Variants in VEZT observed in about 807,000 individuals in gnomAD.
The protein encoded by VEZT is vezatin.
VEZT carries 39 observed loss-of-function variants against 79.9 expected under a neutral mutation model. That is an observed-to-expected ratio of 0.49 (90% CI 0.38 to 0.64). The LOEUF (loss-of-function observed/expected upper bound fraction) is 0.64, where lower values mean the gene tolerates loss of function less well. VEZT is among the 30% of genes least tolerant of loss of function. VEZT has a pLI of 0.00. For missense variants in VEZT, 837 were observed against 893.1 expected (o/e 0.94, Z 0.80); for synonymous variants, 325 against 327.6 (o/e 0.99, Z 0.09).
At chr12:95,227,623 G>C (rs969312692) in intron 1 of VEZT, among the ~76,000 whole-genome samples, 5 of 152,128 alleles carry the variant, frequency 3.3e-5, no homozygotes, top group African/African-American at 1.2e-4. Context: ...TTATAGGCAT[G>C]AGCCACCATG....
At position 95,266,413 on chromosome 12, in the gene VEZT, G is replaced by A; in HGVS notation, c.491G>A (p.Trp164Ter). 1 of 1,613,838 alleles carries A rather than the reference G, an allele frequency of 6.2e-7. No individual in the cohort carries two copies. The highest frequency in any genetic ancestry group is 8.5e-7 in the Non-Finnish European group (1 of 1,179,828). ...TTGCTCGTTATGCTTCCCACTTGGT[G>A]GATTGTGTCTTCCTGGCTGGTATGG... The part of the protein sequence containing the change: ...ISLLVMLPTW[W>*]IVSSWLVWGV... Residue 164 changes from tryptophan to a stop codon, truncating the protein, a stop_gained, in exon 5 of 12, where the codon TGG becomes TAG. Coordinates refer to ENST00000436874, the MANE Select transcript of VEZT (RefSeq NM_017599.4). LOFTEE classifies it high-confidence loss of function.
At chr12:95,227,113 G>T (rs941497957) in intron 1 of VEZT, among the ~76,000 whole-genome samples, 1 of 152,142 alleles carries the variant, frequency 6.6e-6, no homozygotes, top group Non-Finnish European at 1.5e-5. Context: ...AGTGTTTTGA[G>T]AGTAAGAATT....
At chr12:95,298,030 G>C (rs1282445411) in intron 11 of VEZT, among the ~76,000 whole-genome samples, 2 of 152,046 alleles carry the variant, frequency 1.3e-5, no homozygotes, top group Non-Finnish European at 2.9e-5. Context: ...TGAGGCAGGA[G>C]AATCGCTTGA....
intron 9 of VEZT, among the ~76,000 whole-genome samples, chr12:95,291,096 C>G (rs1276232592): frequency 6.6e-6 from 1 of 151,996 alleles, no homozygotes; most frequent in Non-Finnish European, 1.5e-5. Flanking sequence ...AAAACCCCAT[C>G]TCTACCAAAA....
chr12:95,236,016 G>C (rs1008937756), intron 1 of VEZT, among the ~76,000 whole-genome samples: 3 of 152,002 alleles, frequency 2.0e-5, no homozygotes, highest in South Asian at 4.2e-4. Flanking sequence ...CTTCCCAGAC[G>C]GGGTGGCGGC....
intron 1 of VEZT, among the ~76,000 whole-genome samples, chr12:95,239,833 T>C (rs1363078220): frequency 6.6e-6 from 1 of 152,032 alleles, no homozygotes; most frequent in Non-Finnish European, 1.5e-5. Flanking sequence ...ATGCCTTTAA[T>C]CCCAGCTACT....
chr12:95,240,077 A>AAGG (rs2060816594), intron 1 of VEZT, among the ~76,000 whole-genome samples: 1 of 123,894 alleles, frequency 8.1e-6, no homozygotes, highest in African/African-American at 3.0e-5. Context: ...AGGAAGGAAG[A>AAGG]AAAGAAAGAG....
At chr12:95,257,307 G>A (rs995840303) in intron 3 of VEZT, 68 bp downstream of exon 3, 2 of 1,272,396 alleles carry the variant, frequency 1.6e-6, no homozygotes, top group Middle Eastern at 2.0e-4. Context: ...TGGTGAATCA[G>A]AATTTGTTTT....
At chr12:95,226,061 C>T (rs184664058) in intron 1 of VEZT, among the ~76,000 whole-genome samples, 49 of 150,324 alleles carry the variant, frequency 3.3e-4, no homozygotes, top group African/African-American at 1.1e-3. Flanking sequence ...GGCCACTGCA[C>T]TCTGCCTTGG....
intron 5 of VEZT, 126 bp downstream of exon 5, chr12:95,266,758 T>G: frequency 1.1e-5 from 9 of 852,956 alleles, no homozygotes; most frequent in South Asian, 6.1e-5. Context: ...TCTTTAGTAC[T>G]TACTAAAGTC....
chr12:95,285,075 G>C (rs958365636), intron 8 of VEZT, among the ~76,000 whole-genome samples: 1 of 113,368 alleles, frequency 8.8e-6, no homozygotes, highest in Non-Finnish European at 1.7e-5. Flanking sequence ...GACAGAGCAA[G>C]ACTCTGTCTC....
intron 9 of VEZT, 72 bp from the exon 10 acceptor site, chr12:95,294,200 T>C (rs2073643462): frequency 7.5e-7 from 1 of 1,328,138 alleles, no homozygotes; most frequent in African/African-American, 1.5e-5. Context: ...AGGGTGTTTT[T>C]AATTAGATGT....
chr12:95,240,051 AG>A lies in VEZT; in HGVS notation c.37-11887del, dbSNP rs1345642386. Among the ~76,000 whole-genome samples, 174 of 137,942 alleles carry A rather than the reference AG, an allele frequency of 1.3e-3. 3 individuals are homozygous for A. Among genetic ancestry groups the A allele is most frequent in the African/African-American group, 4.1e-3 (143 of 35,228 alleles). 90.5% of individuals were successfully genotyped at this position (137,942 alleles called of 152,430 possible). ...AAGGAAGGAAGGAAGGAAGGAAGGA[AG>A]GAAGGAAGGAAGGAAGGAAGGAAGA... On this transcript the variant is annotated intron_variant, in intron 1 of 11. Transcript: ENST00000436874.
At chr12:95,258,639 C>G (rs1053641852) in intron 3 of VEZT, among the ~76,000 whole-genome samples, 1 of 152,060 alleles carries the variant, frequency 6.6e-6, no homozygotes, top group African/African-American at 2.4e-5. Context: ...TCTGTGATAT[C>G]TGAACATTTT....
In VEZT at chr12:95,257,177, A is replaced by G; in HGVS notation, c.196A>G (p.Thr66Ala). Reference sequence around the variant, plus strand: ...AGGTATCCTGTTAAAAGTGGCTGAAACCATCAAAAGTTGGATTTTTTTTTC... The same window carrying G: ...AGGTATCCTGTTAAAAGTGGCTGAAGCCATCAAAAGTTGGATTTTTTTTTC... ...KQGILLKVAE[T>A]IKSWIFFSQC... The change falls in exon 3 of 12, where the codon ACC becomes GCC. Residue 66 changes from threonine (T) to alanine (A), a missense_variant. Coordinates refer to ENST00000436874, the MANE Select transcript of VEZT (RefSeq NM_017599.4). 1 of 1,611,740 alleles carries G rather than the reference A, an allele frequency of 6.2e-7. No homozygotes were observed. Among genetic ancestry groups the G allele is most frequent in the Admixed American group, 1.7e-5 (1 of 59,832 alleles).
At chr12:95,273,352 T>C (rs967818261) in intron 6 of VEZT, among the ~76,000 whole-genome samples, 2 of 152,202 alleles carry the variant, frequency 1.3e-5, no homozygotes, top group Non-Finnish European at 2.9e-5. Context: ...TTTATGTACA[T>C]GCATGCATAT....
chr12:95,274,623 G>A lies in VEZT; in HGVS notation c.849-119G>A, dbSNP rs1287910978. Reference sequence around the variant, plus strand: ...AATTAATTTGTGTTTAAAAACTGCTGTAAACCTCCTCATCCAAAAGTTCAG... The same window carrying A: ...AATTAATTTGTGTTTAAAAACTGCTATAAACCTCCTCATCCAAAAGTTCAG... On this transcript the variant is annotated intron_variant, in intron 6 of 11. Transcript: ENST00000436874. 8.2e-6 allele frequency: 9 copies of A among 1,095,310 alleles called. No homozygotes were observed. The East Asian group carries it at 1.3e-4, about 15-fold the overall frequency. 67.8% of individuals were successfully genotyped at this position (1,095,310 alleles called of 1,614,324 possible).
At chr12:95,235,829 G>A (rs1279126177) in intron 1 of VEZT, among the ~76,000 whole-genome samples, 1 of 150,806 alleles carries the variant, frequency 6.6e-6, no homozygotes, top group Non-Finnish European at 1.5e-5. Context: ...CGGGGCGGCT[G>A]CCGGGCAGAG....
intron 2 of VEZT, among the ~76,000 whole-genome samples, chr12:95,256,821 C>T (rs2063551085): frequency 6.6e-6 from 1 of 152,162 alleles, no homozygotes. Flanking sequence ...ATAGTCTCCC[C>T]AGGATAAATG....
Sources: allele counts gnomAD v4.1 joint callset (sites outside exome capture counted in the v4.1 genomes callset), GRCh38; gene constraint gnomAD v4.1.1; transcripts MANE v1.5; gene names NCBI Gene and HGNC (gene_info 2026-07-23, HGNC 2026-07-21).